OSBPL8: variants seen among roughly 807,000 people sequenced by gnomAD.
OSBPL8 encodes oxysterol binding protein like 8.
A neutral mutation model predicts 125.5 loss-of-function variants in OSBPL8; 59 were observed. The observed-to-expected ratio is 0.47, with a 90% CI of 0.38 to 0.58. The LOEUF (loss-of-function observed/expected upper bound fraction) is 0.58. OSBPL8 is among the 20% of genes least tolerant of loss of function. The probability of loss-of-function intolerance (pLI) is 0.00; values close to 1 mark genes in which losing one functional copy is unlikely to be tolerated. For synonymous variants in OSBPL8, 330 were observed against 338.9 expected (o/e 0.97, Z 0.29); for missense variants, 758 against 1,047.8 (o/e 0.72, Z 3.82).
At chr12:76,490,798 C>T (rs1878636329) in intron 1 of OSBPL8, among the ~76,000 whole-genome samples, 1 of 152,230 alleles carries the variant, frequency 6.6e-6, no homozygotes, top group African/African-American at 2.4e-5. Context: ...GTTGTTAACA[C>T]TTAAGCCACC....
intron 4 of OSBPL8, among the ~76,000 whole-genome samples, chr12:76,433,376 G>A (rs945411273): frequency 6.6e-6 from 1 of 152,022 alleles, no homozygotes; most frequent in Non-Finnish European, 1.5e-5. Flanking sequence ...ATTCAGTAAA[G>A]TTGCAGGATA....
chr12:76,504,219 A>G (rs573019845), intron 1 of OSBPL8, among the ~76,000 whole-genome samples: 13 of 152,126 alleles, frequency 8.5e-5, no homozygotes, highest in Admixed American at 4.6e-4. Context: ...CATACTTGCT[A>G]GTCCCCATTT....
intron 1 of OSBPL8, among the ~76,000 whole-genome samples, chr12:76,547,658 C>T (rs11114414): frequency 0.15 from 22,130 of 151,922 alleles, 1,807 homozygotes; most frequent in South Asian, 0.23. Context: ...AAAGAATAAC[C>T]CCTCACCCAT....
chr12:76,482,032 A>G (rs1877555840), intron 2 of OSBPL8, among the ~76,000 whole-genome samples: 1 of 152,222 alleles, frequency 6.6e-6, no homozygotes, highest in Non-Finnish European at 1.5e-5. Flanking sequence ...CTCCAGGAAG[A>G]CACTCATTGA....
intron 2 of OSBPL8, among the ~76,000 whole-genome samples, chr12:76,476,620 C>T (rs907497863): frequency 6.6e-6 from 1 of 151,940 alleles, no homozygotes; most frequent in African/African-American, 2.4e-5. Flanking sequence ...GGAAAATATA[C>T]ATAAGTTAAG....
chr12:76,366,703 C>T (rs552419559), intron 21 of OSBPL8: 74 of 245,824 alleles, frequency 3.0e-4, no homozygotes, highest in African/African-American at 1.5e-3. Flanking sequence ...TGCTGCATCT[C>T]GTAAGTTTTG....
intron 1 of OSBPL8, among the ~76,000 whole-genome samples, chr12:76,518,127 G>A (rs745520892): frequency 4.6e-5 from 7 of 152,148 alleles, no homozygotes; most frequent in Admixed American, 1.3e-4. Context: ...CAAGACTCAA[G>A]TCAAATTCCT....
chr12:76,510,175 C>A (rs755683044), intron 1 of OSBPL8, among the ~76,000 whole-genome samples: 5 of 152,180 alleles, frequency 3.3e-5, no homozygotes, highest in Non-Finnish European at 7.3e-5. Context: ...CTTTTCATAT[C>A]TCCAGATCTA....
At chr12:76,503,997 T>A (rs575635185) in intron 1 of OSBPL8, among the ~76,000 whole-genome samples, 2 of 151,614 alleles carry the variant, frequency 1.3e-5, no homozygotes, top group Non-Finnish European at 1.5e-5. Flanking sequence ...CTTTTTTTTT[T>A]AGATGTGTTT....
At chr12:76,557,327 A>G (rs4761337) in intron 1 of OSBPL8, among the ~76,000 whole-genome samples, 120,967 of 152,158 alleles carry the variant, frequency 0.8, 48,329 homozygotes, top group East Asian at 0.92. Flanking sequence ...ACTTTTAAAC[A>G]AAAGATCCGC....
chr12:76,439,102 C>T (rs542986129), intron 4 of OSBPL8, among the ~76,000 whole-genome samples: 39 of 152,182 alleles, frequency 2.6e-4, no homozygotes, highest in African/African-American at 8.7e-4. Context: ...GCACACAGGC[C>T]GGACGCGGTG....
chr12:76,557,514 C>T (rs1463491737), intron 1 of OSBPL8, among the ~76,000 whole-genome samples: 1 of 151,106 alleles, frequency 6.6e-6, no homozygotes, highest in Non-Finnish European at 1.5e-5. Flanking sequence ...ACTCAGGAGG[C>T]TGAAGCATAA....
At chr12:76,482,049 T>G (rs1877559682) in intron 2 of OSBPL8, among the ~76,000 whole-genome samples, 1 of 152,214 alleles carries the variant, frequency 6.6e-6, no homozygotes, top group African/African-American at 2.4e-5. Context: ...TTGACTATAT[T>G]CTAAGAATTG....
chr12:76,454,281 T>C (rs1012386738), intron 3 of OSBPL8, among the ~76,000 whole-genome samples: 7 of 152,282 alleles, frequency 4.6e-5, no homozygotes, highest in South Asian at 2.1e-4. Flanking sequence ...TATTCATCAA[T>C]TGAAAAATGA....
At position 76,386,663 on chromosome 12, in the gene OSBPL8, A is replaced by G. The variant is rs1286522045; in HGVS notation, c.1353-3T>C. On this transcript the variant is annotated splice_polypyrimidine_tract_variant and splice_region_variant and intron_variant, in intron 12 of 23. Coordinates refer to ENST00000261183, the MANE Select transcript of OSBPL8 (RefSeq NM_020841.5). The stretch of plus-strand genomic sequence containing the variant: ...AAGGATTTTCTTCAAGAGCTGCCCT[A>G]AAACACAAAACGGTAAACAAAAATT... 1 of 1,591,034 alleles carries G rather than the reference A, an allele frequency of 6.3e-7. No homozygotes were observed. Among genetic ancestry groups the G allele is most frequent in the East Asian group, 2.3e-5 (1 of 44,392 alleles).
intron 1 of OSBPL8, among the ~76,000 whole-genome samples, chr12:76,493,403 G>A (rs76671493): frequency 0.07 from 10,627 of 152,150 alleles, 500 homozygotes; most frequent in Middle Eastern, 0.15. Context: ...TTTTTTGTAA[G>A]GCAGGTTTAC....
chr12:76,467,366 C>T (rs1056905628), intron 2 of OSBPL8, among the ~76,000 whole-genome samples: 2 of 152,184 alleles, frequency 1.3e-5, no homozygotes, highest in African/African-American at 4.8e-5. Context: ...CTAGTTTCTT[C>T]TTCATACCTA....
intron 1 of OSBPL8, among the ~76,000 whole-genome samples, chr12:76,543,618 G>A (rs1482642285): frequency 6.6e-6 from 1 of 152,102 alleles, no homozygotes; most frequent in Non-Finnish European, 1.5e-5. Flanking sequence ...CACATATAAT[G>A]CTAAGATAAT....
intron 15 of OSBPL8, among the ~76,000 whole-genome samples, chr12:76,380,729 C>T (rs1953011102): frequency 6.6e-6 from 1 of 151,984 alleles, no homozygotes; most frequent in African/African-American, 2.4e-5. Context: ...AATCTGTATG[C>T]TATTTTTCCC....
Sources: allele counts gnomAD v4.1 joint callset (sites outside exome capture counted in the v4.1 genomes callset), GRCh38; gene constraint gnomAD v4.1.1; transcripts MANE v1.5; gene names NCBI Gene and HGNC (gene_info 2026-07-23, HGNC 2026-07-21).